The following TLE1 variants were observed in gnomAD, a reference collection of about 807,000 sequenced individuals.
TLE1 encodes the protein TLE family member 1, transcriptional corepressor, also known as transducin-like enhancer protein 1.
In TLE1, 21 loss-of-function variants were observed where a neutral mutation model predicts 89.8. The observed-to-expected ratio is 0.23, with a 90% CI of 0.17 to 0.34. The LOEUF is 0.34. TLE1 is among the 10% of genes least tolerant of loss of function. The pLI, the probability that TLE1 is intolerant of heterozygous loss-of-function variation, is 1.00. For synonymous variants in TLE1, 447 were observed against 407.6 expected, an observed-to-expected ratio of 1.10 and a Z score of -1.16; for missense variants, 795 against 1,031.2, an observed-to-expected ratio of 0.77 and a Z score of 3.14.
intron 8 of TLE1, among the ~76,000 whole-genome samples, chr9:81,627,994 G>T (rs1490870765): frequency 6.6e-6 from 1 of 152,166 alleles, no homozygotes; most frequent in East Asian, 1.9e-4. Flanking sequence ...CAAGGTGGGA[G>T]AATCACTTGA....
At chr9:81,600,031 T>C (rs1007634732) in intron 14 of TLE1, 3 of 681,716 alleles carry the variant, frequency 4.4e-6, no homozygotes, top group Non-Finnish European at 8.2e-6. Flanking sequence ...AAGTCAACAT[T>C]TAAGATTCTG....
At chr9:81,647,441 AG>A (rs1441111061) in intron 6 of TLE1, among the ~76,000 whole-genome samples, 2 of 152,238 alleles carry the variant, frequency 1.3e-5, no homozygotes, top group African/African-American at 4.8e-5. Flanking sequence ...CCTTATTAAA[AG>A]TCATTCATGC....
rs562335041 is a variant in TLE1 at position 81,683,918 on chromosome 9, G to A, written c.234+1758C>T. 2.6e-5 allele frequency among the ~76,000 whole-genome samples: 4 copies of A among 152,012 alleles called. No individual in the cohort carries two copies. The East Asian group carries it at 5.8e-4, about 22-fold the overall frequency. ...CCTTCTCCCTACATGATAAAGAAGA[G>A]GTCATCCCGCCACATAACCTACAGG... is the stretch of plus-strand genomic sequence containing the variant. On this transcript the variant is annotated intron_variant, in intron 4 of 19. Coordinates refer to ENST00000376499, the MANE Select transcript of TLE1 (RefSeq NM_005077.5).
chr9:81,654,765 A>G (rs926187188), intron 4 of TLE1, among the ~76,000 whole-genome samples: 1 of 152,202 alleles, frequency 6.6e-6, no homozygotes, highest in African/African-American at 2.4e-5. Flanking sequence ...TTCAAAGATG[A>G]GGCCTAAGGT....
Position 81,633,437 on chromosome 9 carries a change from AAG to A in TLE1, c.578-75_578-74del, listed in dbSNP as rs1491133871. 7 of 1,611,206 alleles carry A rather than the reference AAG, an allele frequency of 4.3e-6. No individual in the cohort carries two copies. In the East Asian group the frequency reaches 1.3e-4, roughly 31 times the overall value. ...CAGAGGCAAGAACAGAAATAAAAAAAAGGGGGGAATAATTAGAACACAAGCCC... is the reference window on the plus strand; with the variant it reads ...CAGAGGCAAGAACAGAAATAAAAAAAGGGGGAATAATTAGAACACAAGCCC... On this transcript the variant is annotated intron_variant, in intron 7 of 19. Transcript: ENST00000376499.
intron 15 of TLE1, among the ~76,000 whole-genome samples, chr9:81,591,323 A>G (rs1052769361): frequency 6.6e-6 from 1 of 152,226 alleles, no homozygotes; most frequent in Admixed American, 6.5e-5. Context: ...AGGTGTACAC[A>G]TAGTTCCCTG....
At chr9:81,641,192 T>C (rs1828065537) in intron 6 of TLE1, among the ~76,000 whole-genome samples, 1 of 150,670 alleles carries the variant, frequency 6.6e-6, no homozygotes, top group East Asian at 2.0e-4. Flanking sequence ...AATTCCTATC[T>C]TGGGAGACAG....
chr9:81,592,877 G>A (rs942298336), intron 15 of TLE1, 148 bp downstream of exon 15: 3 of 1,122,258 alleles, frequency 2.7e-6, no homozygotes, highest in Non-Finnish European at 3.7e-6. Flanking sequence ...ATTTAAATGG[G>A]GAGCCGAGGG....
chr9:81,597,425 T>C (rs2777775), intron 14 of TLE1, among the ~76,000 whole-genome samples: 149,471 of 152,276 alleles, frequency 0.98, 73,372 homozygotes, highest in East Asian at 1. Flanking sequence ...CAACAAAAAA[T>C]ACAAAATTCT....
At chr9:81,639,051 T>C (rs750610036) in intron 6 of TLE1, among the ~76,000 whole-genome samples, 3 of 152,008 alleles carry the variant, frequency 2.0e-5, no homozygotes, top group Non-Finnish European at 4.4e-5. Flanking sequence ...GGCTCCTAAG[T>C]ACATACTTAG....
At chr9:81,595,848 T>C (rs1246184244) in intron 14 of TLE1, among the ~76,000 whole-genome samples, 1 of 149,076 alleles carries the variant, frequency 6.7e-6, no homozygotes, top group Non-Finnish European at 1.5e-5. Flanking sequence ...AAAATAAAAG[T>C]AAAACAATTG....
In TLE1 at chr9:81,593,219, G is replaced by C; in HGVS notation, c.1387C>G (p.Pro463Ala). Residue 463 changes from proline (P) to alanine (A), a missense_variant, in exon 15 of 20, where the codon CCC (proline) becomes GCC (alanine). This residue lies in a region of TLE1 where 468 missense variants were observed against 509.1 expected (regional missense o/e 0.92). Transcript: ENST00000376499. ...DGQMQPVPFP[P>A]DALIGPGIPR... ...ATTCCGGGTCCGATGAGGGCGTCGG[G>C]GGGAAAAGGGACAGGCTGCATCTGA... 1.2e-6 allele frequency: 2 copies of C among 1,614,188 alleles called. No homozygotes were observed. Among genetic ancestry groups the C allele is most frequent in the Middle Eastern group, 1.6e-4 (1 of 6,062 alleles).
intron 6 of TLE1, among the ~76,000 whole-genome samples, chr9:81,651,517 C>T (rs952336571): frequency 4.9e-4 from 74 of 152,280 alleles, no homozygotes; most frequent in African/African-American, 1.7e-3. Context: ...AGACAATTAA[C>T]AATTCTTCCA....
rs1210441291 is a variant in TLE1 at position 81,608,986 on chromosome 9, G to C, written c.1331+1234C>G. 3.3e-5 allele frequency among the ~76,000 whole-genome samples: 5 copies of C among 151,544 alleles called. No individual in the cohort carries two copies. In the East Asian group the frequency reaches 5.8e-4, roughly 18 times the overall value. On this transcript the variant is annotated intron_variant, in intron 14 of 19. Coordinates refer to ENST00000376499, the MANE Select transcript of TLE1 (RefSeq NM_005077.5). Reference sequence around the variant, plus strand: ...GAAAGAAAAAGAAAAAGAAAAAAAAGCAACAACATTTGCAAAGATCTGCTG... The same window carrying C: ...GAAAGAAAAAGAAAAAGAAAAAAAACCAACAACATTTGCAAAGATCTGCTG...
intron 4 of TLE1, among the ~76,000 whole-genome samples, chr9:81,658,402 C>CAT (rs1385069560): frequency 6.6e-6 from 1 of 152,006 alleles, no homozygotes; most frequent in African/African-American, 2.4e-5. Context: ...AAAGCCATAC[C>CAT]ATATGTCCTG....
intron 4 of TLE1, among the ~76,000 whole-genome samples, chr9:81,659,418 A>C (rs1475624481): frequency 1.3e-5 from 2 of 152,194 alleles, no homozygotes; most frequent in African/African-American, 4.8e-5. Context: ...AATGCTTATA[A>C]ACTTTCCCTG....
chr9:81,640,233 T>G (rs1827936403), intron 6 of TLE1, among the ~76,000 whole-genome samples: 1 of 152,166 alleles, frequency 6.6e-6, no homozygotes, highest in Non-Finnish European at 1.5e-5. Context: ...ATTCATGTTC[T>G]TGTATGCTAA....
At chr9:81,632,471 ATCCCTTTTTTTTTT>A (rs1207827963) in intron 8 of TLE1, among the ~76,000 whole-genome samples, 36 of 133,680 alleles carry the variant, frequency 2.7e-4, no homozygotes, top group East Asian at 2.6e-4. Flanking sequence ...AATGTTCAGT[ATCCCTTTTTTTTTT>A]TTTTTTTTTT....
chr9:81,635,168 T>C (rs1228361517), intron 6 of TLE1, among the ~76,000 whole-genome samples: 3 of 152,234 alleles, frequency 2.0e-5, no homozygotes, highest in Non-Finnish European at 2.9e-5. Context: ...GGAGCCAGGC[T>C]TGTGGCCGCT....
Sources: allele counts gnomAD v4.1 joint callset (sites outside exome capture counted in the v4.1 genomes callset), GRCh38; gene constraint gnomAD v4.1.1; regional missense constraint gnomAD v4.1.1; transcripts MANE v1.5; gene names NCBI Gene and HGNC (gene_info 2026-07-23, HGNC 2026-07-21).